Variants in LRRC4C observed in about 807,000 individuals in gnomAD.
LRRC4C encodes the protein leucine-rich repeat-containing protein 4C.
LRRC4C carries 5 observed loss-of-function variants against 33.6 expected under a neutral mutation model. That is an observed-to-expected ratio of 0.15 (90% CI 0.08 to 0.31). The LOEUF (loss-of-function observed/expected upper bound fraction) is 0.31. LRRC4C is among the 10% of genes least tolerant of loss of function. The pLI, the probability that LRRC4C is intolerant of heterozygous loss-of-function variation, is 1.00. For synonymous variants in LRRC4C, 329 were observed against 302.0 expected (o/e 1.09, Z -0.93); for missense variants, 560 against 796.7 (o/e 0.70, Z 3.58).
At chr11:40,590,655 T>C (rs1026891832) in intron 3 of LRRC4C, among the ~76,000 whole-genome samples, 2 of 150,706 alleles carry the variant, frequency 1.3e-5, no homozygotes, top group Non-Finnish European at 3.0e-5. Context: ...GATGGGTTTT[T>C]GGTGTGGATG....
At chr11:40,814,947 G>C (rs553385540) in intron 2 of LRRC4C, among the ~76,000 whole-genome samples, 15 of 152,038 alleles carry the variant, frequency 9.9e-5, no homozygotes, top group South Asian at 4.1e-4. Context: ...ATATTTTTCT[G>C]TCCTCTTCTG....
intron 5 of LRRC4C, among the ~76,000 whole-genome samples, chr11:40,165,241 C>T (rs1415593750): frequency 2.0e-5 from 3 of 152,030 alleles, no homozygotes; most frequent in East Asian, 1.9e-4. Context: ...TATATATATT[C>T]GCATGTCTGT....
chr11:40,737,019 A>AT (rs1166522695), intron 2 of LRRC4C, among the ~76,000 whole-genome samples: 1 of 152,038 alleles, frequency 6.6e-6, no homozygotes, highest in African/African-American at 2.4e-5. Context: ...CGTTTTGTCA[A>AT]TTTTGGCTTT....
At chr11:41,106,428 A>G (rs1355937347) in intron 1 of LRRC4C, among the ~76,000 whole-genome samples, 1 of 147,860 alleles carries the variant, frequency 6.8e-6, no homozygotes, top group African/African-American at 2.5e-5. Context: ...TGATCATCAA[A>G]CCCTTCTAAG....
intron 1 of LRRC4C, among the ~76,000 whole-genome samples, chr11:41,293,286 A>G (rs1950042896): frequency 6.6e-6 from 1 of 152,134 alleles, no homozygotes. Flanking sequence ...TTGTATTACT[A>G]TCATAGTAAG....
chr11:41,422,403 A>T (rs1012958682), intron 1 of LRRC4C, among the ~76,000 whole-genome samples: 1 of 152,070 alleles, frequency 6.6e-6, no homozygotes, highest in Non-Finnish European at 1.5e-5. Context: ...CAGGTCTAAC[A>T]AAGGCTTTCC....
chr11:40,670,236 T>C (rs973523919), intron 2 of LRRC4C, among the ~76,000 whole-genome samples: 5 of 152,208 alleles, frequency 3.3e-5, no homozygotes, highest in Non-Finnish European at 7.3e-5. Context: ...GCTTTCTTCA[T>C]ACACTGCGGT....
intron 3 of LRRC4C, among the ~76,000 whole-genome samples, chr11:40,432,146 T>C (rs1433269642): frequency 1.3e-5 from 2 of 152,076 alleles, no homozygotes; most frequent in East Asian, 3.9e-4. Flanking sequence ...GATACCTTGA[T>C]GGGCTTATAT....
intron 1 of LRRC4C, among the ~76,000 whole-genome samples, chr11:41,197,723 C>T (rs1359022194): frequency 6.6e-6 from 1 of 151,906 alleles, no homozygotes; most frequent in Non-Finnish European, 1.5e-5. Context: ...TTCCAAGTTA[C>T]TTCTCTCAAG....
chr11:40,801,559 A>G (rs1206726482), intron 2 of LRRC4C, among the ~76,000 whole-genome samples: 1 of 152,178 alleles, frequency 6.6e-6, no homozygotes, highest in Non-Finnish European at 1.5e-5. Flanking sequence ...CTTTGAGTTC[A>G]ATGCATAGGA....
At chr11:41,208,321 C>T (rs939995174) in intron 1 of LRRC4C, among the ~76,000 whole-genome samples, 17 of 152,064 alleles carry the variant, frequency 1.1e-4, no homozygotes, top group African/African-American at 3.9e-4. Flanking sequence ...TCTTTTACTG[C>T]TTATAGTAAA....
chr11:40,331,438 A>G (rs538581864), intron 3 of LRRC4C, among the ~76,000 whole-genome samples: 1 of 152,374 alleles, frequency 6.6e-6, no homozygotes, highest in South Asian at 2.1e-4. Context: ...AATGAAGAAA[A>G]TGTGGCATAT....
chr11:40,220,095 T>C (rs892198128), intron 5 of LRRC4C, among the ~76,000 whole-genome samples: 2 of 152,196 alleles, frequency 1.3e-5, no homozygotes. Context: ...AATTTCAACA[T>C]GCCAAATTAT....
rs1234723794 is a variant in LRRC4C at position 40,633,397 on chromosome 11, T to TTCC, written c.-270+14744_-270+14745insGGA. 4.4e-4 allele frequency among the ~76,000 whole-genome samples: 28 copies of TTCC among 63,388 alleles called. 1 individual carries two copies. The highest frequency in any genetic ancestry group is 8.6e-3 in the Middle Eastern group (1 of 116). The allele number at this position is 63,388 out of a possible 152,430, so 41.6% of individuals were successfully genotyped here. A position where few individuals can be genotyped will look rare whatever the true frequency, so the allele number is the denominator to read the frequency against. ...TCTCTCTCTTTCTTTCTTTCTTTCT[T>TTCC]TTTTTTTTTTTGACAGAGTCTCACT... On this transcript the variant is annotated intron_variant, in intron 3 of 6. Coordinates refer to ENST00000528697, the MANE Select transcript of LRRC4C (RefSeq NM_001258419.2).
At chr11:40,910,336 A>G (rs902720875) in intron 2 of LRRC4C, among the ~76,000 whole-genome samples, 2 of 152,230 alleles carry the variant, frequency 1.3e-5, no homozygotes, top group Non-Finnish European at 2.9e-5. Context: ...ATTAGGAAGT[A>G]GGAAGACTTC....
chr11:41,054,137 A>G (rs1383358908), intron 1 of LRRC4C, among the ~76,000 whole-genome samples: 1 of 152,164 alleles, frequency 6.6e-6, no homozygotes, highest in African/African-American at 2.4e-5. Flanking sequence ...TGTATTTTCT[A>G]ATTCTCATTT....
intron 2 of LRRC4C, among the ~76,000 whole-genome samples, chr11:40,931,130 T>C (rs376828996): frequency 6.6e-6 from 1 of 152,136 alleles, no homozygotes; most frequent in African/African-American, 2.4e-5. Context: ...GATCTGCTGA[T>C]CCATATGAGT....
intron 1 of LRRC4C, among the ~76,000 whole-genome samples, chr11:41,251,583 A>G (rs1172890556): frequency 6.6e-6 from 1 of 152,204 alleles, no homozygotes; most frequent in East Asian, 1.9e-4. Flanking sequence ...TCAGTAATAT[A>G]TGGCCAAATG....
At chr11:40,963,778 G>A (rs1851133794) in intron 1 of LRRC4C, among the ~76,000 whole-genome samples, 1 of 151,708 alleles carries the variant, frequency 6.6e-6, no homozygotes, top group African/African-American at 2.4e-5. Flanking sequence ...TAGAGATGGG[G>A]CATCTTTCAA....
Sources: gnomAD v4.1 joint callset for allele counts (sites outside exome capture counted in the v4.1 genomes callset) on GRCh38, gnomAD v4.1.1 for gene constraint, MANE v1.5 for transcripts, NCBI Gene and HGNC (gene_info 2026-07-23, HGNC 2026-07-21) for gene names.